NCOR1: variants seen among roughly 807,000 people sequenced by gnomAD.
The protein encoded by NCOR1 is nuclear receptor corepressor 1.
NCOR1 carries 63 observed loss-of-function variants against 288.1 expected under a neutral mutation model. The observed-to-expected ratio is 0.22, with a 90% CI of 0.18 to 0.27. The LOEUF is 0.27. Ranked by LOEUF, NCOR1 falls within the 10% of genes least tolerant of loss-of-function variation. The pLI, the probability that NCOR1 is intolerant of heterozygous loss-of-function variation, is 1.00. For synonymous variants in NCOR1, 1,007 were observed against 1,065.9 expected, an observed-to-expected ratio of 0.94 and a Z score of 1.08; for missense variants, 2,397 against 3,019.2, an observed-to-expected ratio of 0.79 and a Z score of 4.83.
chr17:16,199,361 T>C (rs1274313292), intron 1 of NCOR1, among the ~76,000 whole-genome samples: 1 of 152,088 alleles, frequency 6.6e-6, no homozygotes, highest in Non-Finnish European at 1.5e-5. Context: ...TCCTCAAAAC[T>C]TATCCATGAG....
At position 16,098,403 on chromosome 17, in the gene NCOR1, T is replaced by C; in HGVS notation, c.2784A>G (p.Pro928=). The C allele has an allele frequency of 6.2e-7, 1 of 1,614,106 alleles. No individual in the cohort carries two copies. The highest frequency in any genetic ancestry group is 2.2e-5 in the East Asian group (1 of 44,872). The change falls in exon 21 of 46, where the codon CCA becomes CCG. Residue 928 remains proline, a synonymous_variant. Coordinates refer to ENST00000268712, the MANE Select transcript of NCOR1 (RefSeq NM_006311.4). ...TAACAGCAGCTCGATGCTGAAGCTG[T>C]GGCAGATCCAGTGGATTTGGTTTTA... ...SPLKPNPLDL[P]QLQHRAAVIP... is the part of the protein sequence containing the mutation.
At chr17:16,146,766 T>C (rs1801004951) in intron 9 of NCOR1, among the ~76,000 whole-genome samples, 1 of 152,184 alleles carries the variant, frequency 6.6e-6, no homozygotes, top group African/African-American at 2.4e-5. Flanking sequence ...GATTTTTTAG[T>C]TAACATTAAG....
At chr17:16,063,680 T>A (rs137982058) in intron 35 of NCOR1, among the ~76,000 whole-genome samples, 8 of 152,154 alleles carry the variant, frequency 5.3e-5, no homozygotes, top group African/African-American at 1.7e-4. Flanking sequence ...TTCACTGTAA[T>A]TCAAGATGCT....
At chr17:16,072,510 A>G (rs1369392903) in intron 28 of NCOR1, among the ~76,000 whole-genome samples, 1 of 152,250 alleles carries the variant, frequency 6.6e-6, no homozygotes, top group Non-Finnish European at 1.5e-5. Context: ...TTCTTTATCA[A>G]GAGGAAAGAA....
rs1259196407 is a variant in NCOR1 at position 16,029,574 on chromosome 17, T to TA, written c.*2721dup. Reference sequence around the variant, plus strand: ...AAGACCTTAATTTAGTTCTGGGTGCTAAAAAAATCACGTGTAAGGATATAG... The same window carrying TA: ...AAGACCTTAATTTAGTTCTGGGTGCTAAAAAAAATCACGTGTAAGGATATAG... On this transcript the variant is annotated 3_prime_UTR_variant, in exon 46 of 46. Coordinates refer to ENST00000268712, the MANE Select transcript of NCOR1 (RefSeq NM_006311.4). 2.5e-5 allele frequency: 5 copies of TA among 202,430 alleles called. No homozygotes were observed. Among genetic ancestry groups the TA allele is most frequent in the East Asian group, 2.6e-4 (2 of 7,654 alleles). 12.5% of individuals were successfully genotyped at this position (202,430 alleles called of 1,614,324 possible).
Position 16,101,656 on chromosome 17 carries a change from T to G in NCOR1, c.2284A>C (p.Ser762Arg). 1 of 1,614,248 alleles carries G rather than the reference T, an allele frequency of 6.2e-7. No homozygotes were observed. The highest frequency in any genetic ancestry group is 1.7e-5 in the Admixed American group (1 of 60,028). ...GGAACTGCTAAGGAGGGAGATGTACTGGGTGCAGTTTCCGTGGTGGGCTCA... is the reference window on the plus strand; with the variant it reads ...GGAACTGCTAAGGAGGGAGATGTACGGGGTGCAGTTTCCGTGGTGGGCTCA... ...ELEPTTETAP[S>R]TSPSLAVPST... The change falls in exon 20 of 46, where the codon AGT (serine) becomes CGT (arginine). Residue 762 changes from serine (S) to arginine (R), a missense_variant. Transcript: ENST00000268712.
intron 2 of NCOR1, chr17:16,191,943 G>C (rs1384329365): frequency 6.6e-6 from 1 of 151,622 alleles, no homozygotes; most frequent in African/African-American, 2.4e-5. Context: ...CCAATCAGAT[G>C]TCTACACTAA....
intron 14 of NCOR1, among the ~76,000 whole-genome samples, chr17:16,135,989 C>T (rs373003689): frequency 3.9e-5 from 6 of 152,088 alleles, no homozygotes; most frequent in Admixed American, 2.6e-4. Context: ...AATATCTATC[C>T]GGGTGTAGAC....
intron 3 of NCOR1, among the ~76,000 whole-genome samples, chr17:16,182,331 T>C (rs961983342): frequency 2.0e-5 from 3 of 152,234 alleles, no homozygotes; most frequent in African/African-American, 7.2e-5. Context: ...TGTATACATA[T>C]ATTTATGCTT....
At chr17:16,200,374 A>G (rs145197624) in intron 1 of NCOR1, among the ~76,000 whole-genome samples, 192 of 151,776 alleles carry the variant, frequency 1.3e-3, no homozygotes, top group South Asian at 0.011. Flanking sequence ...GTGCACACCT[A>G]TAGTCCCAGC....
intron 22 of NCOR1, among the ~76,000 whole-genome samples, chr17:16,090,875 G>T (rs1464654076): frequency 6.6e-6 from 1 of 152,150 alleles, no homozygotes; most frequent in Non-Finnish European, 1.5e-5. Context: ...GCATTGTAAA[G>T]CTAATAGCTC....
intron 18 of NCOR1, among the ~76,000 whole-genome samples, chr17:16,113,870 G>A (rs749925624): frequency 1.3e-5 from 2 of 151,750 alleles, no homozygotes; most frequent in Non-Finnish European, 2.9e-5. Flanking sequence ...TCCAGCCTGG[G>A]CAACAGGGTG....
At chr17:16,145,474 C>T (rs1039845656) in intron 10 of NCOR1, among the ~76,000 whole-genome samples, 4 of 140,016 alleles carry the variant, frequency 2.9e-5, no homozygotes, top group Non-Finnish European at 5.0e-5. Context: ...CCCCACCGCC[C>T]CGTCTGGGAT....
intron 4 of NCOR1, among the ~76,000 whole-genome samples, chr17:16,165,541 A>T (rs1488704525): frequency 6.6e-6 from 1 of 152,194 alleles, no homozygotes; most frequent in Non-Finnish European, 1.5e-5. Flanking sequence ...CTGGCTGGGA[A>T]ATAGTATTAT....
Position 16,146,243 on chromosome 17 carries a change from T to C in NCOR1, c.1082+133A>G, listed in dbSNP as rs191444035. 1.5e-3 allele frequency: 1,140 copies of C among 768,910 alleles called. 10 individuals are homozygous for C. In the African/African-American group the frequency reaches 0.018, roughly 12 times the overall value. The allele number at this position is 768,910 out of a possible 1,614,324, so 47.6% of individuals were successfully genotyped here. A position where few individuals can be genotyped will look rare whatever the true frequency, so the allele number is the denominator to read the frequency against. On this transcript the variant is annotated intron_variant, in intron 10 of 45. Transcript: ENST00000268712. ...GCTGACCTTCCCTCCACTATTGTCC[T>C]ATGACCCTGCCAAATCCCCCTCTCC...
chr17:16,049,063 C>T, intron 40 of NCOR1, 75 bp from the exon 41 acceptor site: 5 of 1,408,836 alleles, frequency 3.5e-6, no homozygotes, highest in Non-Finnish European at 2.8e-6. Context: ...AACTTGTTAA[C>T]TCATGACTTC....
chr17:16,174,561 G>A (rs73280300), intron 3 of NCOR1, among the ~76,000 whole-genome samples: 4,750 of 152,176 alleles, frequency 0.031, 248 homozygotes, highest in African/African-American at 0.11. Flanking sequence ...CAATGAGTAT[G>A]GAATGCTCTT....
Position 16,047,034 on chromosome 17 carries a change from T to C in NCOR1, c.6596A>G (p.Glu2199Gly), listed in dbSNP as rs765030069. The C allele has an allele frequency of 6.2e-7, 1 of 1,614,084 alleles. No homozygotes were observed. The highest frequency in any genetic ancestry group is 2.2e-5 in the East Asian group (1 of 44,874). Residue 2199 changes from glutamate (E) to glycine (G), a missense_variant, in exon 42 of 46, where the codon GAA becomes GGA. Coordinates refer to ENST00000268712, the MANE Select transcript of NCOR1 (RefSeq NM_006311.4). ...TGATTTAACCATGGGTGATGTATTT[T>C]CAAGCTTGGTGAAGAATGAAGGCAA... ...SYLPSFFTKL[E>G]NTSPMVKSKK... is the part of the protein sequence containing the mutation.
rs1335359583 is a variant in NCOR1, at chr17:16,163,643, CCCACT to C, written c.618+1331_618+1335del. On this transcript the variant is annotated intron_variant, in intron 5 of 45. Coordinates refer to ENST00000268712, the MANE Select transcript of NCOR1 (RefSeq NM_006311.4). ...AATTTAAACATAGATTTACCATATG[CCCACT>C]CCTAGATATATAAAGAAAATTGTAA... 2.0e-5 allele frequency among the ~76,000 whole-genome samples: 3 copies of C among 152,194 alleles called. No individual in the cohort carries two copies. The East Asian group carries it at 5.8e-4, about 29-fold the overall frequency.
Sources: allele counts gnomAD v4.1 joint callset (sites outside exome capture counted in the v4.1 genomes callset), GRCh38; gene constraint gnomAD v4.1.1; transcripts MANE v1.5; gene names NCBI Gene and HGNC (gene_info 2026-07-23, HGNC 2026-07-21).